Variants in NLRP5 observed in about 807,000 individuals in gnomAD.
NLRP5 encodes NLR family pyrin domain containing 5, also known as NACHT, LRR and PYD domains-containing protein 5.
NLRP5 carries 93 observed loss-of-function variants against 113.1 expected under a neutral mutation model. That is an observed-to-expected ratio of 0.82 (90% CI 0.70 to 0.98). The LOEUF (loss-of-function observed/expected upper bound fraction) is 0.98. Ranked by LOEUF, NLRP5 falls within the 50% of genes least tolerant of loss-of-function variation. The probability of loss-of-function intolerance (pLI) is 0.00; values close to 1 mark genes in which losing one functional copy is unlikely to be tolerated. For missense variants in NLRP5, 1,808 were observed against 1,514.3 expected, an observed-to-expected ratio of 1.19 and a Z score of -3.22; for synonymous variants, 751 against 600.7, an observed-to-expected ratio of 1.25 and a Z score of -3.66.
upstream of NLRP5, among the ~76,000 whole-genome samples, chr19:55,999,263 G>A (rs1169737737): frequency 7.8e-6 from 1 of 128,052 alleles, no homozygotes; most frequent in African/African-American, 3.0e-5. Context: ...TGCCCAAGCT[G>A]GAGTGCAATG....
At chr19:56,010,478 C>T (rs749664404) in intron 3 of NLRP5, among the ~76,000 whole-genome samples, 6 of 152,032 alleles carry the variant, frequency 3.9e-5, no homozygotes, top group Non-Finnish European at 8.8e-5. Flanking sequence ...GGCGCGGTGG[C>T]TCACGCCTGT....
Position 56,003,565 on chromosome 19 carries a change from C to A in NLRP5, c.63-151C>A, listed in dbSNP as rs75613492. On this transcript the variant is annotated intron_variant, in intron 1 of 14. Coordinates refer to ENST00000390649, the MANE Select transcript of NLRP5 (RefSeq NM_153447.4). ...CTAAGGGTACAGACAACAAAATGTC[C>A]CAGCACTGATGTCTAGTAATAGGAT... is the stretch of plus-strand genomic sequence containing the variant. 4 of 770,906 alleles carry A rather than the reference C, an allele frequency of 5.2e-6. 1 individual carries two copies. The highest frequency in any genetic ancestry group is 5.3e-5 in the East Asian group (2 of 37,990). 47.8% of individuals were successfully genotyped at this position (770,906 alleles called of 1,614,324 possible). A position where few individuals can be genotyped will look rare whatever the true frequency, so the allele number is the denominator to read the frequency against.
Position 56,040,991 on chromosome 19 carries a change from C to T in NLRP5, c.2856C>T (p.Ser952=), listed in dbSNP as rs775441356. ...CCTCAGCCCTCGTCAGCAACCGGAGCTTGACACACCTGTGCCTATCCAACA... is the reference window on the plus strand; with the variant it reads ...CCTCAGCCCTCGTCAGCAACCGGAGTTTGACACACCTGTGCCTATCCAACA... The change falls in exon 11 of 15, where the codon AGC becomes AGT. Residue 952 remains serine (S), a synonymous_variant. Transcript: ENST00000390649. 1.9e-6 allele frequency: 3 copies of T among 1,613,844 alleles called. No homozygotes were observed. The highest frequency in any genetic ancestry group is 2.5e-6 in the Non-Finnish European group (3 of 1,179,872).
chr19:56,049,337 G>T (rs1482087051), intron 11 of NLRP5, among the ~76,000 whole-genome samples: 2 of 151,848 alleles, frequency 1.3e-5, no homozygotes, highest in African/African-American at 4.8e-5. Context: ...GCACCACCAC[G>T]CCCAACTAAT....
intron 5 of NLRP5, among the ~76,000 whole-genome samples, chr19:56,020,079 A>C (rs1982558936): frequency 6.6e-6 from 1 of 151,738 alleles, no homozygotes; most frequent in African/African-American, 2.4e-5. Flanking sequence ...TCGGCTGCCC[A>C]CCTCGGCCTC....
chr19:55,989,929 C>G, the NLRP5 span, among the ~76,000 whole-genome samples: 1 of 152,128 alleles, frequency 6.6e-6, no homozygotes, highest in Non-Finnish European at 1.5e-5. Context: ...TTTCCTTCAC[C>G]CATCACAAAG....
intron 11 of NLRP5, among the ~76,000 whole-genome samples, chr19:56,042,666 G>C (rs1177784651): frequency 1.3e-5 from 2 of 152,114 alleles, no homozygotes; most frequent in African/African-American, 4.8e-5. Flanking sequence ...AAGTTCTTTA[G>C]TGGTGATTTG....
At chr19:55,998,712 G>GTA (rs879269189), upstream of NLRP5, among the ~76,000 whole-genome samples, 820 of 104,400 alleles carry the variant, frequency 7.9e-3, 38 homozygotes, top group East Asian at 0.081. Flanking sequence ...ATGTGTGTGT[G>GTA]TGTATATATA....
intron 6 of NLRP5, among the ~76,000 whole-genome samples, chr19:56,023,399 G>C (rs1049804756): frequency 6.6e-6 from 1 of 152,190 alleles, no homozygotes; most frequent in Non-Finnish European, 1.5e-5. Flanking sequence ...TGATGTGGAC[G>C]ACAGACGGCC....
At chr19:56,050,998 C>G (rs1983912814) in intron 12 of NLRP5, among the ~76,000 whole-genome samples, 2 of 152,156 alleles carry the variant, frequency 1.3e-5, no homozygotes, top group South Asian at 4.1e-4. Context: ...ATTAAACAGA[C>G]TGTAGAAAAA....
chr19:56,045,699 G>C (rs995586860), intron 11 of NLRP5, among the ~76,000 whole-genome samples: 1 of 152,120 alleles, frequency 6.6e-6, no homozygotes, highest in East Asian at 1.9e-4. Flanking sequence ...AGTTTTATCG[G>C]TTAGGGATAA....
intron 9 of NLRP5, among the ~76,000 whole-genome samples, chr19:56,033,928 C>G (rs569936474): frequency 3.3e-5 from 5 of 152,236 alleles, no homozygotes; most frequent in African/African-American, 1.2e-4. Flanking sequence ...TAAAAAAACT[C>G]AGTTTCATTA....
intron 13 of NLRP5, among the ~76,000 whole-genome samples, chr19:56,056,790 C>G (rs1022868820): frequency 6.6e-6 from 1 of 152,164 alleles, no homozygotes; most frequent in African/African-American, 2.4e-5. Flanking sequence ...ATCTCACCAT[C>G]TCGCCATAGG....
chr19:56,039,432 T>C (rs1983436319), intron 10 of NLRP5, among the ~76,000 whole-genome samples: 1 of 152,160 alleles, frequency 6.6e-6, no homozygotes, highest in African/African-American at 2.4e-5. Context: ...ATGGCAGTGC[T>C]GGTATCAGCA....
intron 11 of NLRP5, among the ~76,000 whole-genome samples, chr19:56,048,888 C>T (rs984449059): frequency 6.7e-6 from 1 of 149,768 alleles, no homozygotes; most frequent in Non-Finnish European, 1.5e-5. Flanking sequence ...TCCCAGACTT[C>T]TGGAGGCTTT....
At chr19:55,997,136 T>C (rs923090000), upstream of NLRP5, among the ~76,000 whole-genome samples, 17 of 152,216 alleles carry the variant, frequency 1.1e-4, no homozygotes, top group African/African-American at 3.9e-4. Flanking sequence ...AATATCTTCT[T>C]TTGAGAAGTG....
chr19:56,056,573 C>T (rs1236517080), intron 13 of NLRP5, among the ~76,000 whole-genome samples: 2 of 151,980 alleles, frequency 1.3e-5, no homozygotes, highest in African/African-American at 2.4e-5. Context: ...ACAAAAGCAT[C>T]CCTGCGGTAG....
Position 56,007,997 on chromosome 19 carries a change from C to T in NLRP5, c.443-791C>T, listed in dbSNP as rs145373034. The stretch of plus-strand genomic sequence containing the variant: ...GTCGCCCAGTGCAGTGGCGCGATCT[C>T]GGCTCACTGCAAACTCCGCCTCCCG... On this transcript the variant is annotated intron_variant, in intron 2 of 14. Transcript: ENST00000390649. Among the ~76,000 whole-genome samples, 347 of 140,202 alleles carry T rather than the reference C, an allele frequency of 2.5e-3. 65 individuals are homozygous for T. The highest frequency in any genetic ancestry group is 8.6e-3 in the African/African-American group (325 of 37,576). 92.0% of individuals were successfully genotyped at this position (140,202 alleles called of 152,430 possible).
chr19:56,050,340 G>A (rs540218622), intron 11 of NLRP5, 78 bp from the exon 12 acceptor site: 4 of 1,371,460 alleles, frequency 2.9e-6, no homozygotes, highest in South Asian at 2.5e-5. Flanking sequence ...CTGCAGCTGG[G>A]AGGAGAGCAG....
Sources: allele counts gnomAD v4.1 joint callset (sites outside exome capture counted in the v4.1 genomes callset), GRCh38; gene constraint gnomAD v4.1.1; transcripts MANE v1.5; gene names NCBI Gene and HGNC (gene_info 2026-07-23, HGNC 2026-07-21).